NCKAP5: variants seen among roughly 807,000 people sequenced by gnomAD.
NCKAP5 encodes the protein nck-associated protein 5.
NCKAP5 carries 92 observed loss-of-function variants against 167.0 expected under a neutral mutation model. The ratio of observed to expected loss-of-function variants is 0.55; its 90% CI spans 0.47 to 0.66. The LOEUF is 0.66. Among genes scored for constraint, NCKAP5 ranks in the 30% least tolerant of loss-of-function variants. The pLI, the probability that NCKAP5 is intolerant of heterozygous loss-of-function variation, is 0.00. For synonymous variants in NCKAP5, 891 were observed against 877.4 expected (o/e 1.02, Z -0.27); for missense variants, 2,378 against 2,315.0 (o/e 1.03, Z -0.56).
chr2:132,974,215 T>G (rs6430384), intron 7 of NCKAP5, among the ~76,000 whole-genome samples: 77,270 of 152,068 alleles, frequency 0.51, 21,450 homozygotes, highest in East Asian at 0.74. Flanking sequence ...GAACTAGTCA[T>G]TTGTAGAAGT....
chr2:133,616,078 A>T, the NCKAP5 span, among the ~76,000 whole-genome samples: 1 of 151,734 alleles, frequency 6.6e-6, no homozygotes, highest in African/African-American at 2.4e-5. Context: ...ATGAAGGCAG[A>T]AATAAAGATG....
intron 11 of NCKAP5, among the ~76,000 whole-genome samples, chr2:132,851,567 C>A (rs1017917425): frequency 6.6e-6 from 1 of 152,160 alleles, no homozygotes; most frequent in South Asian, 2.1e-4. Context: ...GCTTCAGTGG[C>A]CTTCCTGCAG....
chr2:133,084,957 C>T (rs1192447741), intron 6 of NCKAP5, among the ~76,000 whole-genome samples: 1 of 152,110 alleles, frequency 6.6e-6, no homozygotes. Context: ...ATTAAAGGGC[C>T]TGATGTTTAA....
At chr2:132,886,614 C>G (rs1412423352) in intron 8 of NCKAP5, among the ~76,000 whole-genome samples, 5 of 152,154 alleles carry the variant, frequency 3.3e-5, no homozygotes. Context: ...CTTTCATGAT[C>G]TTGATACTTT....
chr2:133,254,103 C>G (rs1395040556), intron 4 of NCKAP5, among the ~76,000 whole-genome samples: 1 of 152,186 alleles, frequency 6.6e-6, no homozygotes, highest in Non-Finnish European at 1.5e-5. Flanking sequence ...CCAATGACCC[C>G]TGTCTCCCAA....
intron 3 of NCKAP5, among the ~76,000 whole-genome samples, chr2:133,347,734 T>TA (rs1684074539): frequency 6.6e-6 from 1 of 152,102 alleles, no homozygotes; most frequent in African/African-American, 2.4e-5. Flanking sequence ...CCTGTATGTG[T>TA]ATTGGGCCCC....
intron 6 of NCKAP5, among the ~76,000 whole-genome samples, chr2:133,126,331 T>G (rs760457798): frequency 7.2e-5 from 11 of 152,200 alleles, no homozygotes; most frequent in Middle Eastern, 3.2e-3. Flanking sequence ...GGGCCAGGCG[T>G]CAGCATCTTA....
chr2:133,005,901 G>C (rs2077949345), intron 6 of NCKAP5, among the ~76,000 whole-genome samples: 1 of 152,114 alleles, frequency 6.6e-6, no homozygotes, highest in Non-Finnish European at 1.5e-5. Flanking sequence ...ATTTGATAAA[G>C]ATTAGTATTT....
the NCKAP5 span, among the ~76,000 whole-genome samples, chr2:133,575,603 G>C: frequency 6.6e-6 from 1 of 152,094 alleles, no homozygotes; most frequent in Non-Finnish European, 1.5e-5. Flanking sequence ...GTATAGTAAG[G>C]AGGCTTTTGA....
At chr2:132,780,792 C>T (rs528752139) in intron 15 of NCKAP5, among the ~76,000 whole-genome samples, 12 of 152,222 alleles carry the variant, frequency 7.9e-5, no homozygotes, top group Admixed American at 3.9e-4. Flanking sequence ...GGACTCACTG[C>T]GATTATACTC....
chr2:133,308,245 C>T (rs1044314853), intron 3 of NCKAP5, among the ~76,000 whole-genome samples: 4 of 151,620 alleles, frequency 2.6e-5, no homozygotes, highest in Non-Finnish European at 5.9e-5. Flanking sequence ...CCCGCCACCA[C>T]GCCCGGCTAA....
chr2:132,833,114 G>A (rs1421857176), intron 11 of NCKAP5, among the ~76,000 whole-genome samples: 1 of 152,104 alleles, frequency 6.6e-6, no homozygotes, highest in African/African-American at 2.4e-5. Flanking sequence ...GCACTTCTCT[G>A]ATGATGTGTG....
chr2:133,153,507 A>G (rs185015008), intron 5 of NCKAP5, among the ~76,000 whole-genome samples: 1 of 152,256 alleles, frequency 6.6e-6, no homozygotes, highest in East Asian at 1.9e-4. Flanking sequence ...AACTCATTTA[A>G]TAGTTACAAA....
rs148440894 is a variant in NCKAP5 at position 133,025,668 on chromosome 2, T to C, written c.342-31429A>G. On this transcript the variant is annotated intron_variant, in intron 6 of 19. Transcript: ENST00000409261. ...AGACCAAGAGGAGTGAATTCAGAACTTTCCAAATAACTATAGCCTGGGATT... is the reference window on the plus strand; with the variant it reads ...AGACCAAGAGGAGTGAATTCAGAACCTTCCAAATAACTATAGCCTGGGATT... Among the ~76,000 whole-genome samples the C allele has an allele frequency of 2.4e-3, 368 of 152,262 alleles. 1 individual carries two copies. The Middle Eastern group carries it at 0.041, about 17-fold the overall frequency.
At chr2:132,998,966 A>G (rs2077693997) in intron 6 of NCKAP5, among the ~76,000 whole-genome samples, 1 of 152,096 alleles carries the variant, frequency 6.6e-6, no homozygotes, top group Non-Finnish European at 1.5e-5. Context: ...AACTAAGACC[A>G]TTTTTTCCCC....
At chr2:133,673,007 C>T in the NCKAP5 span, among the ~76,000 whole-genome samples, 1 of 152,290 alleles carries the variant, frequency 6.6e-6, no homozygotes, top group South Asian at 2.1e-4. Flanking sequence ...GAAGTTCCTG[C>T]TTACAGGACT....
At chr2:133,323,529 C>T (rs550709822) in intron 3 of NCKAP5, among the ~76,000 whole-genome samples, 6 of 152,256 alleles carry the variant, frequency 3.9e-5, no homozygotes, top group East Asian at 1.9e-4. Context: ...TGATTATATG[C>T]GAACTATATG....
chr2:132,866,195 A>AAAATGCC (rs773440916), intron 10 of NCKAP5, among the ~76,000 whole-genome samples: 6 of 152,350 alleles, frequency 3.9e-5, no homozygotes, highest in Non-Finnish European at 5.9e-5. Context: ...AACTGCAGAG[A>AAAATGCC]AAATGCCTTT....
the NCKAP5 span, among the ~76,000 whole-genome samples, chr2:133,631,861 G>A: frequency 6.6e-6 from 1 of 152,136 alleles, no homozygotes; most frequent in Non-Finnish European, 1.5e-5. Context: ...CAACTCTTGG[G>A]CTTTACTGGG....
Sources: gnomAD v4.1 joint callset for allele counts (sites outside exome capture counted in the v4.1 genomes callset) on GRCh38, gnomAD v4.1.1 for gene constraint, MANE v1.5 for transcripts, NCBI Gene and HGNC (gene_info 2026-07-23, HGNC 2026-07-21) for gene names.